SNX13: variants seen among roughly 807,000 people sequenced by gnomAD.
The protein encoded by SNX13 is sorting nexin-13.
A neutral mutation model predicts 133.6 loss-of-function variants in SNX13; 45 were observed. The observed-to-expected ratio is 0.34, with a 90% CI of 0.27 to 0.43. The LOEUF (loss-of-function observed/expected upper bound fraction) is 0.43, where lower values mean the gene tolerates loss of function less well. Ranked by LOEUF, SNX13 falls within the 20% of genes least tolerant of loss-of-function variation. The pLI, the probability that SNX13 is intolerant of heterozygous loss-of-function variation, is 1.00. For synonymous variants in SNX13, 414 were observed against 373.9 expected, an observed-to-expected ratio of 1.11 and a Z score of -1.24; for missense variants, 1,032 against 1,145.1, an observed-to-expected ratio of 0.90 and a Z score of 1.43.
chr7:17,820,904 TA>T (rs894071839), intron 18 of SNX13, among the ~76,000 whole-genome samples: 6 of 152,100 alleles, frequency 3.9e-5, no homozygotes, highest in Admixed American at 3.9e-4. Flanking sequence ...ATATTTAATT[TA>T]AAAATAGGAC....
At chr7:17,869,801 C>T (rs1425689944) in intron 8 of SNX13, among the ~76,000 whole-genome samples, 1 of 151,952 alleles carries the variant, frequency 6.6e-6, no homozygotes, top group African/African-American at 2.4e-5. Flanking sequence ...TAATTCCTTC[C>T]TTCAAATTAT....
chr7:17,854,252 G>T (rs891848823), intron 9 of SNX13, among the ~76,000 whole-genome samples: 1 of 152,188 alleles, frequency 6.6e-6, no homozygotes, highest in African/African-American at 2.4e-5. Flanking sequence ...TTATGCTACA[G>T]CAAGGTTCTT....
intron 24 of SNX13, 122 bp downstream of exon 24, chr7:17,798,568 C>CA: frequency 1.5e-6 from 1 of 667,632 alleles, no homozygotes; most frequent in Non-Finnish European, 2.5e-6. Flanking sequence ...TCTTTTTGCT[C>CA]ATCAATGATA....
At chr7:17,931,933 AGAGACGCATTTTAGTTAAGAGACTGTG>A (rs1463396694) in intron 1 of SNX13, among the ~76,000 whole-genome samples, 1 of 152,232 alleles carries the variant, frequency 6.6e-6, no homozygotes, top group Non-Finnish European at 1.5e-5. Context: ...AACATTGAAC[AGAGACGCATTTTAGTTAAGAGACTGTG>A]GTAGCAGCTG....
At chr7:17,828,420 T>G (rs1230639464) in intron 16 of SNX13, among the ~76,000 whole-genome samples, 1 of 151,676 alleles carries the variant, frequency 6.6e-6, no homozygotes, top group Non-Finnish European at 1.5e-5. Flanking sequence ...AAAATTCAAA[T>G]TTATAATGAT....
At chr7:17,834,028 T>A (rs745451945) in intron 15 of SNX13, 24 bp downstream of exon 15, 1 of 1,460,220 alleles carries the variant, frequency 6.8e-7, no homozygotes, top group Non-Finnish European at 9.1e-7. Flanking sequence ...ATGCATATTA[T>A]GTGTAAAATG....
intron 25 of SNX13, chr7:17,795,363 G>A (rs896242424): frequency 4.6e-4 from 70 of 151,666 alleles, no homozygotes; most frequent in African/African-American, 1.6e-3. Context: ...CTAGGGGTAA[G>A]ATATAATTTA....
chr7:17,827,814 A>G (rs1788074344), intron 16 of SNX13, among the ~76,000 whole-genome samples: 1 of 151,906 alleles, frequency 6.6e-6, no homozygotes, highest in Non-Finnish European at 1.5e-5. Context: ...TCAAGAAATC[A>G]TTTTGATAGA....
chr7:17,919,698 A>G (rs1383988857), intron 1 of SNX13, among the ~76,000 whole-genome samples: 1 of 152,224 alleles, frequency 6.6e-6, no homozygotes, highest in Non-Finnish European at 1.5e-5. Context: ...TAAGTCAATG[A>G]AAGCAACTCA....
At chr7:17,905,508 C>T (rs891663149) in intron 1 of SNX13, among the ~76,000 whole-genome samples, 4 of 152,176 alleles carry the variant, frequency 2.6e-5, no homozygotes, top group African/African-American at 9.6e-5. Context: ...TTTAAATTGT[C>T]TTCAAAAGGC....
At chr7:17,885,124 T>C (rs1423570973) in intron 5 of SNX13, among the ~76,000 whole-genome samples, 1 of 152,090 alleles carries the variant, frequency 6.6e-6, no homozygotes, top group Non-Finnish European at 1.5e-5. Flanking sequence ...GAAAAACAAA[T>C]GTGGTATGTG....
At chr7:17,823,219 C>T (rs1278788081) in intron 17 of SNX13, among the ~76,000 whole-genome samples, 1 of 152,134 alleles carries the variant, frequency 6.6e-6, no homozygotes, top group Non-Finnish European at 1.5e-5. Flanking sequence ...TGTAGATTTT[C>T]CCCTTCAGCT....
intron 5 of SNX13, chr7:17,889,038 A>T: frequency 5.4e-6 from 1 of 184,710 alleles, no homozygotes; most frequent in Non-Finnish European, 1.1e-5. Context: ...CTTTCAAAGA[A>T]AAAAAAAGTC....
intron 17 of SNX13, among the ~76,000 whole-genome samples, chr7:17,824,743 G>A (rs1404225427): frequency 1.3e-5 from 2 of 151,298 alleles, no homozygotes; most frequent in Non-Finnish European, 2.9e-5. Flanking sequence ...TGCTTCTTCA[G>A]TATTTACATA....
intron 5 of SNX13, among the ~76,000 whole-genome samples, chr7:17,884,552 T>C (rs1003579450): frequency 5.9e-5 from 9 of 152,226 alleles, no homozygotes; most frequent in African/African-American, 2.2e-4. Flanking sequence ...TTGTACACGA[T>C]GGAACAGTAA....
chr7:17,939,946 G>A (rs965345824), intron 1 of SNX13, among the ~76,000 whole-genome samples: 2 of 152,110 alleles, frequency 1.3e-5, no homozygotes, highest in South Asian at 2.1e-4. Flanking sequence ...GCAGTAACGT[G>A]GAAAGGCCAA....
At chr7:17,815,889 A>C (rs1460513060) in intron 19 of SNX13, among the ~76,000 whole-genome samples, 1 of 152,230 alleles carries the variant, frequency 6.6e-6, no homozygotes, top group Non-Finnish European at 1.5e-5. Flanking sequence ...TTAAAAAAAA[A>C]ATTCAAATGT....
At chr7:17,891,137 T>C (rs1796579239) in intron 4 of SNX13, among the ~76,000 whole-genome samples, 1 of 151,982 alleles carries the variant, frequency 6.6e-6, no homozygotes, top group African/African-American at 2.4e-5. Flanking sequence ...TCAGGGGGCA[T>C]AGTTTTTTTA....
chr7:17,918,451 T>A (rs200140080), intron 1 of SNX13, among the ~76,000 whole-genome samples: 1 of 150,262 alleles, frequency 6.7e-6, no homozygotes, highest in Non-Finnish European at 1.5e-5. Context: ...AAAAAAAATT[T>A]AAAAATGGGC....
Sources: gnomAD v4.1 joint callset for allele counts (sites outside exome capture counted in the v4.1 genomes callset) on GRCh38, gnomAD v4.1.1 for gene constraint, MANE v1.5 for transcripts, NCBI Gene and HGNC (gene_info 2026-07-23, HGNC 2026-07-21) for gene names.